FARS2: variants seen among roughly 807,000 people sequenced by gnomAD.
FARS2 encodes phenylalanyl-tRNA synthetase 2, mitochondrial, also known as phenylalanine--tRNA ligase, mitochondrial.
FARS2 carries 40 observed loss-of-function variants against 46.4 expected under a neutral mutation model. The ratio of observed to expected loss-of-function variants is 0.86; its 90% CI spans 0.67 to 1.12. FARS2 has a LOEUF of 1.12. Ranked by LOEUF, FARS2 falls within the 50% of genes most tolerant of loss-of-function variation. FARS2 has a pLI of 0.00. For synonymous variants in FARS2, 234 were observed against 214.9 expected (o/e 1.09, Z -0.78); for missense variants, 513 against 567.9 (o/e 0.90, Z 0.98).
At position 5,471,320 on chromosome 6, in the gene FARS2, G is replaced by A. The variant is rs947819837; in HGVS notation, c.904+40148G>A. On this transcript the variant is annotated intron_variant, in intron 4 of 6. Transcript: ENST00000274680. This position sits in a 1 kb window ranked among gnomAD's most constrained non-coding sequence, Gnocchi z 4.1. ...CTTATTTTAATCTTGGGGAAACTGGGTATAAGAGGGAATTTCCTGAGACTC... is the reference window on the plus strand; with the variant it reads ...CTTATTTTAATCTTGGGGAAACTGGATATAAGAGGGAATTTCCTGAGACTC... Among the ~76,000 whole-genome samples, 1 of 152,164 alleles carries A rather than the reference G, an allele frequency of 6.6e-6. No homozygotes were observed. The highest frequency in any genetic ancestry group is 1.5e-5 in the Non-Finnish European group (1 of 68,034).
chr6:5,762,167 G>A (rs1762514025), intron 6 of FARS2, among the ~76,000 whole-genome samples: 1 of 152,244 alleles, frequency 6.6e-6, no homozygotes, highest in Non-Finnish European at 1.5e-5. Flanking sequence ...TGAAGTAGAG[G>A]TGGATAACCT....
At chr6:5,499,572 AT>A in intron 4 of FARS2, among the ~76,000 whole-genome samples, 1 of 152,160 alleles carries the variant, frequency 6.6e-6, no homozygotes, top group East Asian at 1.9e-4. Flanking sequence ...AGTTAAATGG[AT>A]TGACAGCTAA....
intron 5 of FARS2, among the ~76,000 whole-genome samples, chr6:5,558,542 TG>T (rs1171706369): frequency 2.0e-5 from 3 of 151,962 alleles, no homozygotes; most frequent in African/African-American, 7.3e-5. Flanking sequence ...ATTATTTATT[TG>T]TTTATTTTTT....
chr6:5,765,164 C>T lies in FARS2; in HGVS notation c.1218-6127C>T, dbSNP rs547769813. On this transcript the variant is annotated intron_variant, in intron 6 of 6. Coordinates refer to ENST00000274680, the MANE Select transcript of FARS2 (RefSeq NM_006567.5). This position sits in a 1 kb window ranked among gnomAD's most constrained non-coding sequence, Gnocchi z 4.0. ...TCCCCTCCCTGCTGTTGCATTCTGC[C>T]GTCCAGCCCAGCTCTCCCATTGGCC... Among the ~76,000 whole-genome samples the T allele has an allele frequency of 3.3e-5, 5 of 152,334 alleles. No individual in the cohort carries two copies. The highest frequency in any genetic ancestry group is 1.9e-4 in the East Asian group (1 of 5,176).
intron 4 of FARS2, among the ~76,000 whole-genome samples, chr6:5,524,840 TTAAGC>T (rs2150437046): frequency 6.6e-6 from 1 of 152,328 alleles, no homozygotes; most frequent in East Asian, 1.9e-4. Flanking sequence ...TAGTGTGTGA[TTAAGC>T]TAACTGTATG....
At chr6:5,567,228 A>G (rs1250942680) in intron 5 of FARS2, among the ~76,000 whole-genome samples, 2 of 152,034 alleles carry the variant, frequency 1.3e-5, no homozygotes, top group Non-Finnish European at 2.9e-5. Flanking sequence ...GTGGTATCTC[A>G]TTGGGATTTT....
chr6:5,616,259 G>A (rs1031487033), intron 6 of FARS2, among the ~76,000 whole-genome samples: 1 of 152,128 alleles, frequency 6.6e-6, no homozygotes, highest in Non-Finnish European at 1.5e-5. Flanking sequence ...GCTGTGGAGT[G>A]CCAATTCAGC....
At chr6:5,357,339 A>G (rs2127618323) in intron 1 of FARS2, among the ~76,000 whole-genome samples, 1 of 152,362 alleles carries the variant, frequency 6.6e-6, no homozygotes, top group South Asian at 2.1e-4. Flanking sequence ...TTGGAAAAAC[A>G]TTCCTTTTAA....
chr6:5,473,358 C>T lies in FARS2; in HGVS notation c.904+42186C>T, dbSNP rs184362644. ...TGGCTAACACAGCGAAACCCCGTCT[C>T]TACTAAAAATACAAAAAAATTAGCC... On this transcript the variant is annotated intron_variant, in intron 4 of 6. Coordinates refer to ENST00000274680, the MANE Select transcript of FARS2 (RefSeq NM_006567.5). Among the ~76,000 whole-genome samples, 166 of 152,060 alleles carry T rather than the reference C, an allele frequency of 1.1e-3. 1 individual carries two copies. Among genetic ancestry groups the T allele is most frequent in the East Asian group, 3.9e-4 (2 of 5,154 alleles).
rs929584592 is a variant in FARS2, at chr6:5,670,081, G to A, written c.1217+56761G>A. On this transcript the variant is annotated intron_variant, in intron 6 of 6. Transcript: ENST00000274680. ...TTTCGTAGGCCTCCTTAAAATTCTC[G>A]TAGAATGAGGCAAGATATAAACACT... 4.6e-5 allele frequency among the ~76,000 whole-genome samples: 7 copies of A among 152,080 alleles called. No individual in the cohort carries two copies. The South Asian group carries it at 1.0e-3, about 23-fold the overall frequency.
At chr6:5,691,591 C>G (rs147668643) in intron 6 of FARS2, among the ~76,000 whole-genome samples, 3,491 of 152,304 alleles carry the variant, frequency 0.023, 148 homozygotes, top group African/African-American at 0.08. Flanking sequence ...AGGTGTCAGT[C>G]TGCCCCTACT....
chr6:5,523,042 G>A (rs1171156910), intron 4 of FARS2, among the ~76,000 whole-genome samples: 1 of 152,194 alleles, frequency 6.6e-6, no homozygotes, highest in Non-Finnish European at 1.5e-5. Context: ...GATAAGCATT[G>A]CATTCAATGA....
chr6:5,275,610 T>G (rs1012438237), intron 1 of FARS2, among the ~76,000 whole-genome samples: 1 of 152,162 alleles, frequency 6.6e-6, no homozygotes, highest in Non-Finnish European at 1.5e-5. Flanking sequence ...TCTGCATCTT[T>G]CATCCTCCTG....
chr6:5,397,259 A>G (rs1366213554), intron 2 of FARS2, among the ~76,000 whole-genome samples: 1 of 152,184 alleles, frequency 6.6e-6, no homozygotes, highest in African/African-American at 2.4e-5. Context: ...AGCTAGGGAA[A>G]CAGTGAAAAG....
intron 4 of FARS2, among the ~76,000 whole-genome samples, chr6:5,440,308 A>AT (rs1346248216): frequency 6.6e-6 from 1 of 152,076 alleles, no homozygotes; most frequent in East Asian, 1.9e-4. Context: ...TTTTGTATTA[A>AT]TTTTTTCTGC....
intron 1 of FARS2, among the ~76,000 whole-genome samples, chr6:5,306,847 C>T (rs548751096): frequency 2.0e-5 from 3 of 152,094 alleles, no homozygotes; most frequent in Admixed American, 1.3e-4. Context: ...AAATATTTTC[C>T]TACAGCATGC....
At chr6:5,564,495 G>A (rs373339372) in intron 5 of FARS2, among the ~76,000 whole-genome samples, 1 of 152,040 alleles carries the variant, frequency 6.6e-6, no homozygotes, top group African/African-American at 2.4e-5. Flanking sequence ...CTAAAATGTA[G>A]GCAAAAAGCT....
intron 1 of FARS2, among the ~76,000 whole-genome samples, chr6:5,326,256 C>A (rs1441385634): frequency 1.3e-5 from 2 of 152,342 alleles, no homozygotes; most frequent in East Asian, 1.9e-4. Flanking sequence ...GGATTTAGGG[C>A]TTATTCATAG....
intron 6 of FARS2, among the ~76,000 whole-genome samples, chr6:5,740,313 C>T (rs1364793885): frequency 2.0e-5 from 3 of 152,086 alleles, no homozygotes; most frequent in African/African-American, 4.8e-5. Flanking sequence ...GGAAACTATT[C>T]GAAATAAGTT....
Sources: gnomAD v4.1 joint callset for allele counts (sites outside exome capture counted in the v4.1 genomes callset) on GRCh38, gnomAD v4.1.1 for gene constraint, Gnocchi (gnomAD v3.1) non-coding constraint, MANE v1.5 for transcripts, NCBI Gene and HGNC (gene_info 2026-07-23, HGNC 2026-07-21) for gene names.